Variants in ZDHHC14 observed in about 807,000 individuals in gnomAD.
ZDHHC14 encodes zDHHC palmitoyltransferase 14, also known as palmitoyltransferase ZDHHC14.
Under a neutral mutation model 47.7 loss-of-function variants are expected in ZDHHC14, and 16 were observed. The ratio of observed to expected loss-of-function variants is 0.34; its 90% CI spans 0.23 to 0.51. The LOEUF is 0.51. ZDHHC14 is among the 20% of genes least tolerant of loss of function. The pLI is 0.97. For synonymous variants in ZDHHC14, 293 were observed against 278.9 expected (o/e 1.05, Z -0.50); for missense variants, 515 against 662.5 (o/e 0.78, Z 2.44).
chr6:157,613,734 C>G (rs1165437279), intron 3 of ZDHHC14, among the ~76,000 whole-genome samples: 3 of 152,148 alleles, frequency 2.0e-5, no homozygotes, highest in Non-Finnish European at 4.4e-5. Context: ...TTTCTGTGAA[C>G]TAACCTGATA....
chr6:157,489,133 C>T (rs892601042), intron 1 of ZDHHC14, among the ~76,000 whole-genome samples: 10 of 152,294 alleles, frequency 6.6e-5, no homozygotes, highest in African/African-American at 2.2e-4. Flanking sequence ...CTGCCTCATC[C>T]GATTAACAAC....
chr6:157,575,903 A>C (rs1464008859), intron 2 of ZDHHC14, among the ~76,000 whole-genome samples: 1 of 152,238 alleles, frequency 6.6e-6, no homozygotes, highest in Non-Finnish European at 1.5e-5. Flanking sequence ...CTGGGCTGGA[A>C]CACCATGTTT....
intron 8 of ZDHHC14, 86 bp from the exon 9 acceptor site, chr6:157,672,638 G>A (rs1012369926): frequency 7.4e-5 from 10 of 134,814 alleles, no homozygotes; most frequent in Non-Finnish European, 1.2e-4. Flanking sequence ...CACCCTCCCC[G>A]CCCGTGCCCT....
intron 1 of ZDHHC14, among the ~76,000 whole-genome samples, chr6:157,419,921 C>A (rs1778062219): frequency 6.6e-6 from 1 of 152,198 alleles, no homozygotes; most frequent in Admixed American, 6.5e-5. Flanking sequence ...AATGAGAGTT[C>A]CTGCTGCTCC....
At chr6:157,575,918 C>T (rs895379510) in intron 2 of ZDHHC14, among the ~76,000 whole-genome samples, 2 of 152,242 alleles carry the variant, frequency 1.3e-5, no homozygotes, top group South Asian at 2.1e-4. Flanking sequence ...ATGTTTCTTT[C>T]ATTCCTTGCA....
intron 2 of ZDHHC14, among the ~76,000 whole-genome samples, chr6:157,580,017 G>A (rs561234198): frequency 6.6e-6 from 1 of 152,318 alleles, no homozygotes; most frequent in Non-Finnish European, 1.5e-5. Context: ...GATGTCAGCT[G>A]TGGGTTTGTC....
chr6:157,651,040 G>A lies in ZDHHC14; in HGVS notation c.966-2485G>A, dbSNP rs572698656. On this transcript the variant is annotated intron_variant, in intron 7 of 8. Coordinates refer to ENST00000359775, the MANE Select transcript of ZDHHC14 (RefSeq NM_024630.3). ...AGGTGGGCCCGCGGCCATGAGCCGT[G>A]CATAGGCCTCTCTGTGGGGCTCCCT... 4.0e-4 allele frequency among the ~76,000 whole-genome samples: 61 copies of A among 152,362 alleles called. 1 individual carries two copies. The highest frequency in any genetic ancestry group is 1.3e-3 in the African/African-American group (52 of 41,584).
chr6:157,482,260 CTTTT>C (rs1231434907), intron 1 of ZDHHC14, among the ~76,000 whole-genome samples: 1 of 127,546 alleles, frequency 7.8e-6, no homozygotes. Context: ...CTTTTCTTTT[CTTTT>C]TTTTTTTTTT....
intron 1 of ZDHHC14, among the ~76,000 whole-genome samples, chr6:157,398,308 G>A (rs1777564496): frequency 6.6e-6 from 1 of 152,164 alleles, no homozygotes; most frequent in African/African-American, 2.4e-5. Flanking sequence ...AACCTGGCAG[G>A]GTCAGGGCAG....
rs543013490 is a variant in ZDHHC14, at chr6:157,655,720, CAG to C, written c.1068+2094_1068+2095del. On this transcript the variant is annotated intron_variant, in intron 8 of 8. Coordinates refer to ENST00000359775, the MANE Select transcript of ZDHHC14 (RefSeq NM_024630.3). The stretch of plus-strand genomic sequence containing the variant: ...ATCCACCTTCAAAGGGGTCAGCAGT[CAG>C]GGGGCAGTATGTGAGCAGATACATG... Among the ~76,000 whole-genome samples the C allele has an allele frequency of 1.3e-3, 196 of 152,288 alleles. 1 individual carries two copies. The highest frequency in any genetic ancestry group is 4.2e-3 in the African/African-American group (176 of 41,568).
chr6:157,601,317 A>G (rs1784328576), intron 3 of ZDHHC14, among the ~76,000 whole-genome samples: 1 of 152,218 alleles, frequency 6.6e-6, no homozygotes, highest in Non-Finnish European at 1.5e-5. Flanking sequence ...TATCATTACT[A>G]ATATTTTACA....
At chr6:157,430,098 C>T (rs1016170332) in intron 1 of ZDHHC14, among the ~76,000 whole-genome samples, 1 of 152,008 alleles carries the variant, frequency 6.6e-6, no homozygotes, top group Admixed American at 6.6e-5. Context: ...AGGCAGATCA[C>T]GAGGTCAAGA....
chr6:157,484,156 C>T lies in ZDHHC14; in HGVS notation c.246-58429C>T, dbSNP rs191304928. Among the ~76,000 whole-genome samples, 702 of 150,022 alleles carry T rather than the reference C, an allele frequency of 4.7e-3. 5 individuals are homozygous for T. The highest frequency in any genetic ancestry group is 0.016 in the African/African-American group (658 of 40,752). On this transcript the variant is annotated intron_variant, in intron 1 of 8. Transcript: ENST00000359775. ...GGGGCCTTCTTGAGGGTAGGGGGTGCGGGGAGGGAGAGGATCAGAAAAAAA... is the reference window on the plus strand; with the variant it reads ...GGGGCCTTCTTGAGGGTAGGGGGTGTGGGGAGGGAGAGGATCAGAAAAAAA...
chr6:157,490,594 G>A (rs922572787), intron 1 of ZDHHC14, among the ~76,000 whole-genome samples: 12 of 152,224 alleles, frequency 7.9e-5, no homozygotes, highest in Non-Finnish European at 1.5e-4. Flanking sequence ...CTGAAAGCAC[G>A]AATACACAGG....
intron 2 of ZDHHC14, among the ~76,000 whole-genome samples, chr6:157,562,046 T>C (rs1782728408): frequency 6.6e-6 from 1 of 152,158 alleles, no homozygotes; most frequent in African/African-American, 2.4e-5. Flanking sequence ...ACAAAATGAT[T>C]TCAGTTCCTC....
chr6:157,609,952 T>C (rs769325383), intron 3 of ZDHHC14, among the ~76,000 whole-genome samples: 2 of 152,074 alleles, frequency 1.3e-5, no homozygotes, highest in African/African-American at 2.4e-5. Flanking sequence ...AACTGGGGAG[T>C]AATCTCACAA....
rs917872975 is a variant in ZDHHC14, at chr6:157,675,295, C to T, written c.*2173C>T. On this transcript the variant is annotated 3_prime_UTR_variant, in exon 9 of 9. Transcript: ENST00000359775. ...TAACATTTCCTAACTCAGTGGTTGC[C>T]ACTCTCCTGTGACCAGCCCTTCTTC... The T allele has an allele frequency of 2.0e-5, 3 of 152,234 alleles. No individual in the cohort carries two copies. Among genetic ancestry groups the T allele is most frequent in the African/African-American group, 7.2e-5 (3 of 41,442 alleles). The allele number at this position is 152,234 out of a possible 1,614,324, so 9.4% of individuals were successfully genotyped here.
chr6:157,486,693 G>A (rs751375733), intron 1 of ZDHHC14, among the ~76,000 whole-genome samples: 4 of 152,124 alleles, frequency 2.6e-5, no homozygotes, highest in South Asian at 2.1e-4. Flanking sequence ...CAGGGAGCCC[G>A]AGGGAAGAGC....
chr6:157,389,958 A>T (rs1479334863), intron 1 of ZDHHC14, among the ~76,000 whole-genome samples: 1 of 152,178 alleles, frequency 6.6e-6, no homozygotes, highest in Non-Finnish European at 1.5e-5. Context: ...TATATTAAAT[A>T]GAGATAATTT....
Sources: gnomAD v4.1 joint callset for allele counts (sites outside exome capture counted in the v4.1 genomes callset) on GRCh38, gnomAD v4.1.1 for gene constraint, MANE v1.5 for transcripts, NCBI Gene and HGNC (gene_info 2026-07-23, HGNC 2026-07-21) for gene names.